RIN3: variants seen among roughly 807,000 people sequenced by gnomAD.
RIN3 encodes Ras and Rab interactor 3.
In RIN3, 54 loss-of-function variants were observed where a neutral mutation model predicts 76.3. The observed-to-expected ratio is 0.71, with a 90% confidence interval of 0.57 to 0.89. RIN3 has a LOEUF of 0.89. RIN3 is among the 40% of genes least tolerant of loss of function. The pLI is 0.00. For synonymous variants in RIN3, 576 were observed against 564.0 expected, an observed-to-expected ratio of 1.02 and a Z score of -0.30; for missense variants, 1,256 against 1,322.1, an observed-to-expected ratio of 0.95 and a Z score of 0.78.
chr14:92,674,529 G>A (rs1399761318), intron 7 of RIN3, among the ~76,000 whole-genome samples: 1 of 151,744 alleles, frequency 6.6e-6, no homozygotes, highest in Non-Finnish European at 1.5e-5. Flanking sequence ...CTTGAGCCCA[G>A]GAAGTCAAGG....
chr14:92,645,700 A>G (rs1203203236), intron 5 of RIN3, among the ~76,000 whole-genome samples: 1 of 152,248 alleles, frequency 6.6e-6, no homozygotes, highest in East Asian at 1.9e-4. Flanking sequence ...TCACGCCTGT[A>G]ATCCCAGAAC....
intron 3 of RIN3, among the ~76,000 whole-genome samples, chr14:92,596,439 G>T (rs1268519632): frequency 6.6e-6 from 1 of 152,174 alleles, no homozygotes; most frequent in Non-Finnish European, 1.5e-5. Flanking sequence ...TTAAACCTGG[G>T]TCTGTAGATG....
At chr14:92,526,959 C>A (rs541290047) in intron 1 of RIN3, among the ~76,000 whole-genome samples, 50 of 152,212 alleles carry the variant, frequency 3.3e-4, no homozygotes, top group African/African-American at 1.2e-3. Flanking sequence ...GCCTGGGGTC[C>A]CTTGGCTCGT....
At chr14:92,628,001 C>T (rs370883348) in intron 4 of RIN3, among the ~76,000 whole-genome samples, 1 of 152,200 alleles carries the variant, frequency 6.6e-6, no homozygotes, top group African/African-American at 2.4e-5. Flanking sequence ...GTGTCCTCCC[C>T]CTGTGGGCTG....
chr14:92,542,708 A>G (rs1897155614), intron 1 of RIN3, among the ~76,000 whole-genome samples: 1 of 152,238 alleles, frequency 6.6e-6, no homozygotes, highest in South Asian at 2.1e-4. Flanking sequence ...TGGCATCTCC[A>G]TACAATGGGA....
chr14:92,677,392 C>A (rs915492329), intron 8 of RIN3, among the ~76,000 whole-genome samples: 1 of 152,196 alleles, frequency 6.6e-6, no homozygotes. Context: ...AGGAGGGAAC[C>A]ATCCTCCCAG....
At position 92,652,081 on chromosome 14, in the gene RIN3, C is replaced by A; in HGVS notation, c.1032C>A (p.Leu344=). ...CGCCCATGATGACCTGCGAGAGACT[C>A]CCATGCCCCACTGCAGGCCTGGGCC... ...NQPPMMTCER[L]PCPTAGLGPL... Residue 344 remains leucine, a synonymous_variant, in exon 6 of 10, where the codon CTC becomes CTA. Transcript: ENST00000216487. This position sits in a 1 kb window ranked among gnomAD's most constrained non-coding sequence, Gnocchi z 6.4. The A allele has an allele frequency of 6.2e-7, 1 of 1,604,688 alleles. No individual in the cohort carries two copies. The highest frequency in any genetic ancestry group is 8.5e-7 in the Non-Finnish European group (1 of 1,179,774).
intron 7 of RIN3, among the ~76,000 whole-genome samples, chr14:92,674,834 A>G (rs2140167831): frequency 6.6e-6 from 1 of 151,188 alleles, no homozygotes; most frequent in East Asian, 2.0e-4. Context: ...GGTTGCAGTG[A>G]GCCGAGATGG....
chr14:92,603,976 A>G (rs756219855), intron 3 of RIN3, among the ~76,000 whole-genome samples: 82 of 152,246 alleles, frequency 5.4e-4, no homozygotes, highest in Non-Finnish European at 1.1e-3. Context: ...GACGGTAGCA[A>G]ACATTCCTTT....
chr14:92,558,104 T>C (rs1275179737), intron 2 of RIN3, among the ~76,000 whole-genome samples: 2 of 152,170 alleles, frequency 1.3e-5, no homozygotes. Flanking sequence ...ATCCCAGCAC[T>C]TTGGGAGGCC....
rs778579956 is a variant in RIN3 at position 92,641,288 on chromosome 14, G to A, written c.491G>A (p.Ser164Asn). 3 of 1,614,152 alleles carry A rather than the reference G, an allele frequency of 1.9e-6. No individual in the cohort carries two copies. The highest frequency in any genetic ancestry group is 2.2e-5 in the South Asian group (2 of 91,086). Residue 164 changes from serine to asparagine, a missense_variant, in exon 5 of 10, where the codon AGC (serine) becomes AAC (asparagine). Ser to Asn is a conservative substitution (Grantham distance 46). Around this residue, in one of 3 missense-constraint regions of RIN3, gnomAD observed 610 missense variants for 626.4 expected, o/e 0.97. Coordinates refer to ENST00000216487, the MANE Select transcript of RIN3 (RefSeq NM_024832.5). ...LRLPQAILEA[S>N]SFTDLETIAN... The stretch of plus-strand genomic sequence containing the variant: ...CTACCCCAGGCCATCCTTGAGGCCA[G>A]CAGCTTCACGGACCTTGAGACCATC...
intron 7 of RIN3, among the ~76,000 whole-genome samples, chr14:92,668,786 T>C (rs536459826): frequency 1.4e-3 from 214 of 152,312 alleles, no homozygotes; most frequent in African/African-American, 4.9e-3. Context: ...TGGAGGGACA[T>C]AGTTGAAAGG....
chr14:92,601,500 T>G (rs1885343161), intron 3 of RIN3, among the ~76,000 whole-genome samples: 1 of 152,218 alleles, frequency 6.6e-6, no homozygotes, highest in South Asian at 2.1e-4. Flanking sequence ...GATTCTGATG[T>G]TGAAGGTGGT....
intron 1 of RIN3, 65 bp from the exon 2 acceptor site, chr14:92,555,686 C>A: frequency 6.7e-7 from 1 of 1,485,554 alleles, no homozygotes; most frequent in Non-Finnish European, 9.4e-7. Flanking sequence ...AATGGAATCC[C>A]CAGGTGTTAT....
Position 92,681,367 on chromosome 14 carries a change from C to A in RIN3, c.2468-3620C>A, listed in dbSNP as rs1015227897. Among the ~76,000 whole-genome samples the A allele has an allele frequency of 3.9e-5, 6 of 152,220 alleles. No individual in the cohort carries two copies. The highest frequency in any genetic ancestry group is 7.2e-5 in the African/African-American group (3 of 41,460). ...AGTGCAGCAGTAGGGCGTGGCTGCT[C>A]CCCTTTCACCTGCGAGGGTGAGACA... is the stretch of plus-strand genomic sequence containing the variant. On this transcript the variant is annotated intron_variant, in intron 8 of 9. Coordinates refer to ENST00000216487, the MANE Select transcript of RIN3 (RefSeq NM_024832.5). This position sits in a 1 kb window ranked among gnomAD's most constrained non-coding sequence, Gnocchi z 4.7.
In RIN3 at chr14:92,652,205, C is replaced by T. The variant is rs201271121; in HGVS notation, c.1156C>T (p.Pro386Ser). 43 of 1,606,232 alleles carry T rather than the reference C, an allele frequency of 2.7e-5. No homozygotes were observed. Among genetic ancestry groups the T allele is most frequent in the Non-Finnish European group, 3.4e-5 (40 of 1,175,076 alleles). The part of the protein sequence containing the change: ...LPAKKNLPTA[P>S]PRRRVSERVS... ...TGCGAAGAAGAACCTTCCCACTGCC[C>T]CTCCCAGACGCCGCGTTTCCGAGAG... is the stretch of plus-strand genomic sequence containing the variant. The change falls in exon 6 of 10, where the codon CCT (proline) becomes TCT (serine). Residue 386 changes from proline to serine, a missense_variant. Pro to Ser is a moderately conservative substitution (Grantham distance 74). Transcript: ENST00000216487. The surrounding 1 kb of genome is among the most constrained non-coding windows in gnomAD (Gnocchi z 6.4).
intron 2 of RIN3, among the ~76,000 whole-genome samples, chr14:92,561,622 A>G (rs890223005): frequency 3.3e-5 from 5 of 152,168 alleles, no homozygotes; most frequent in Non-Finnish European, 5.9e-5. Flanking sequence ...TACATTCGCC[A>G]CAATTAAGAA....
intron 3 of RIN3, among the ~76,000 whole-genome samples, chr14:92,591,351 CT>C (rs1457912673): frequency 3.9e-5 from 6 of 151,960 alleles, no homozygotes; most frequent in Admixed American, 3.3e-4. Context: ...TGTGGGACAA[CT>C]ACAAAAGGTG....
At chr14:92,586,700 A>G (rs942892990) in intron 3 of RIN3, 2 of 152,240 alleles carry the variant, frequency 1.3e-5, no homozygotes, top group Non-Finnish European at 1.5e-5. Flanking sequence ...TGGCTTCTGA[A>G]GGAAGACAGT....
Sources: allele counts gnomAD v4.1 joint callset (sites outside exome capture counted in the v4.1 genomes callset), GRCh38; gene constraint gnomAD v4.1.1; regional missense constraint gnomAD v4.1.1; non-coding constraint Gnocchi (gnomAD v3.1); transcripts MANE v1.5; gene names NCBI Gene and HGNC (gene_info 2026-07-23, HGNC 2026-07-21).